Variants in LDLRAD3 observed in about 807,000 individuals in gnomAD.
LDLRAD3 encodes low density lipoprotein receptor class A domain containing 3.
In LDLRAD3, 20 loss-of-function variants were observed where a neutral mutation model predicts 29.4. The ratio of observed to expected loss-of-function variants is 0.68; its 90% CI spans 0.48 to 0.99. LDLRAD3 has a LOEUF of 0.99. Among genes scored for constraint, LDLRAD3 ranks in the 50% least tolerant of loss-of-function variants. LDLRAD3 has a pLI of 0.00. For missense variants in LDLRAD3, 420 were observed against 454.3 expected, an observed-to-expected ratio of 0.92 and a Z score of 0.69; for synonymous variants, 157 against 192.7, an observed-to-expected ratio of 0.81 and a Z score of 1.53.
intron 4 of LDLRAD3, among the ~76,000 whole-genome samples, chr11:36,206,418 A>G (rs1206023377): frequency 6.6e-6 from 1 of 152,218 alleles, no homozygotes; most frequent in Non-Finnish European, 1.5e-5. Context: ...AAGACTAGCT[A>G]TGTCCGTAAC....
chr11:36,129,156 C>G (rs1853887964), intron 4 of LDLRAD3, among the ~76,000 whole-genome samples: 1 of 150,588 alleles, frequency 6.6e-6, no homozygotes, highest in Non-Finnish European at 1.5e-5. Flanking sequence ...TAGAAATGTC[C>G]CGGTCATTGT....
At chr11:36,131,316 T>A (rs1195407652) in intron 4 of LDLRAD3, among the ~76,000 whole-genome samples, 1 of 152,208 alleles carries the variant, frequency 6.6e-6, no homozygotes, top group Non-Finnish European at 1.5e-5. Context: ...GCATAAGAGC[T>A]TTCTCTCTAT....
At chr11:36,028,484 T>TTGGCAAA (rs1489797092) in intron 1 of LDLRAD3, among the ~76,000 whole-genome samples, 1 of 152,038 alleles carries the variant, frequency 6.6e-6, no homozygotes, top group Non-Finnish European at 1.5e-5. Flanking sequence ...AGGGAGTCGG[T>TTGGCAAA]TGGCAAATGG....
At chr11:36,098,487 G>C in intron 4 of LDLRAD3, 26 bp downstream of exon 4, 1 of 1,613,686 alleles carries the variant, frequency 6.2e-7, no homozygotes, top group Non-Finnish European at 8.5e-7. Context: ...GCTCTAAAAA[G>C]ATAATTGCAA....
At position 35,996,632 on chromosome 11, in the gene LDLRAD3, C is replaced by A. The variant is rs551554529; in HGVS notation, c.47-39471C>A. 2.6e-4 allele frequency among the ~76,000 whole-genome samples: 39 copies of A among 152,212 alleles called. No individual in the cohort carries two copies. In the South Asian group the frequency reaches 4.8e-3, roughly 19 times the overall value. On this transcript the variant is annotated intron_variant, in intron 1 of 5. Coordinates refer to ENST00000315571, the MANE Select transcript of LDLRAD3 (RefSeq NM_174902.4). ...TGAAGCTCAATAAAGTGAAGCACAG[C>A]AAAATGAGATTTGCCTGCACAGTTT... is the stretch of plus-strand genomic sequence containing the variant.
Position 36,080,356 on chromosome 11 carries a change from C to T in LDLRAD3, c.194-1297C>T, listed in dbSNP as rs147398705. ...AGGACACTCAATTAAGCCCAAGTTA[C>T]AGCAGTTTCTGCTAAAACTGTTTGT... On this transcript the variant is annotated intron_variant, in intron 2 of 5. Transcript: ENST00000315571. Among the ~76,000 whole-genome samples the T allele has an allele frequency of 3.1e-4, 47 of 152,330 alleles. No individual in the cohort carries two copies. In the East Asian group the frequency reaches 8.5e-3, roughly 27 times the overall value.
chr11:36,227,413 G>A lies in LDLRAD3; in HGVS notation c.783G>A (p.Glu261=). 6.3e-7 allele frequency: 1 copy of A among 1,581,184 alleles called. No homozygotes were observed. The highest frequency in any genetic ancestry group is 8.6e-7 in the Non-Finnish European group (1 of 1,164,038). ...TAGGCTCCCCACCCTCCTACTCCGA[G>A]GCCTTGCTGGACCAGAGGTGTGTGC... ...SEVGSPPSYS[E]ALLDQRPAWY... Residue 261 remains glutamate, a synonymous_variant, in exon 5 of 6, where the codon GAG becomes GAA. Coordinates refer to ENST00000315571, the MANE Select transcript of LDLRAD3 (RefSeq NM_174902.4).
intron 4 of LDLRAD3, among the ~76,000 whole-genome samples, chr11:36,203,842 G>A (rs1374442865): frequency 6.6e-6 from 1 of 152,150 alleles, no homozygotes; most frequent in Non-Finnish European, 1.5e-5. Flanking sequence ...ATCTCAGCTA[G>A]TGACTTTCTT....
In LDLRAD3 at chr11:36,230,305, A is replaced by G. The variant is rs1230266029; in HGVS notation, c.*908A>G. The G allele has an allele frequency of 6.6e-6, 1 of 152,292 alleles. No homozygotes were observed. The highest frequency in any genetic ancestry group is 1.5e-5 in the Non-Finnish European group (1 of 68,080). The allele number at this position is 152,292 out of a possible 1,614,324, so 9.4% of individuals were successfully genotyped here. ...TTGGCCCAAAGTCTGACCTGGCTGT[A>G]TGTCCCTGTGGCCCACACCCAGCCT... On this transcript the variant is annotated 3_prime_UTR_variant, in exon 6 of 6. Transcript: ENST00000315571.
intron 1 of LDLRAD3, among the ~76,000 whole-genome samples, chr11:35,953,555 C>T (rs756538994): frequency 2.0e-5 from 3 of 152,284 alleles, no homozygotes; most frequent in Non-Finnish European, 2.9e-5. Flanking sequence ...CATTTTCCTT[C>T]AGCTTTAGCC....
At chr11:35,987,355 C>A (rs141819630) in intron 1 of LDLRAD3, among the ~76,000 whole-genome samples, 206 of 152,298 alleles carry the variant, frequency 1.4e-3, no homozygotes, top group African/African-American at 4.8e-3. Flanking sequence ...GATCCCATCA[C>A]CCAGGTAGTG....
rs117048585 is a variant in LDLRAD3 at position 36,097,740 on chromosome 11, G to A, written c.320-587G>A. On this transcript the variant is annotated intron_variant, in intron 3 of 5. Transcript: ENST00000315571. ...AAAAATGTACTGCACTTGAGTAATG[G>A]ACACCTGAATACCCTGACTTGATCA... is the stretch of plus-strand genomic sequence containing the variant. Among the ~76,000 whole-genome samples, 36 of 152,196 alleles carry A rather than the reference G, an allele frequency of 2.4e-4. No homozygotes were observed. The East Asian group carries it at 6.9e-3, about 29-fold the overall frequency.
intron 2 of LDLRAD3, among the ~76,000 whole-genome samples, chr11:36,058,502 G>C (rs1414766555): frequency 6.6e-6 from 1 of 152,170 alleles, no homozygotes; most frequent in Non-Finnish European, 1.5e-5. Context: ...TTGAATGAAT[G>C]AATGATTTAG....
intron 4 of LDLRAD3, among the ~76,000 whole-genome samples, chr11:36,120,667 C>T (rs1423856487): frequency 1.3e-5 from 2 of 152,124 alleles, no homozygotes; most frequent in East Asian, 1.9e-4. Context: ...GGTTTGAACC[C>T]AGCAGCCCAC....
intron 1 of LDLRAD3, among the ~76,000 whole-genome samples, chr11:36,007,800 AG>A (rs1769916228): frequency 6.6e-6 from 1 of 152,132 alleles, no homozygotes. Context: ...TTTCTTTCTG[AG>A]GGGAAACTGG....
chr11:36,039,930 C>A (rs1178240383), intron 2 of LDLRAD3, among the ~76,000 whole-genome samples: 4 of 152,162 alleles, frequency 2.6e-5, no homozygotes, highest in Non-Finnish European at 5.9e-5. Flanking sequence ...TCCAGGGTGA[C>A]CAACTTGACC....
At chr11:36,144,742 C>T (rs1408962738) in intron 4 of LDLRAD3, among the ~76,000 whole-genome samples, 21 of 136,876 alleles carry the variant, frequency 1.5e-4, no homozygotes, top group African/African-American at 4.6e-4. Context: ...GCAGCCACCC[C>T]GTCCGGGAGG....
rs1324193185 is a variant in LDLRAD3 at position 36,093,976 on chromosome 11, T to C, written c.320-4351T>C. On this transcript the variant is annotated intron_variant, in intron 3 of 5. Coordinates refer to ENST00000315571, the MANE Select transcript of LDLRAD3 (RefSeq NM_174902.4). Reference sequence around the variant, plus strand: ...ATGTAGAAAACCAATTAGGAAAGGGTAGGTATATGTAAAATAGGTGATGGT... The same window carrying C: ...ATGTAGAAAACCAATTAGGAAAGGGCAGGTATATGTAAAATAGGTGATGGT... Among the ~76,000 whole-genome samples, 2 of 151,960 alleles carry C rather than the reference T, an allele frequency of 1.3e-5. 1 individual carries two copies. Among genetic ancestry groups the C allele is most frequent in the Admixed American group, 1.3e-4 (2 of 15,258 alleles).
chr11:36,074,948 A>G (rs1166161645), intron 2 of LDLRAD3, among the ~76,000 whole-genome samples: 2 of 152,162 alleles, frequency 1.3e-5, no homozygotes, highest in Non-Finnish European at 2.9e-5. Flanking sequence ...CCCTTTGAAA[A>G]GTCTGCTTGG....
Sources: gnomAD v4.1 joint callset for allele counts (sites outside exome capture counted in the v4.1 genomes callset) on GRCh38, gnomAD v4.1.1 for gene constraint, MANE v1.5 for transcripts, NCBI Gene and HGNC (gene_info 2026-07-23, HGNC 2026-07-21) for gene names.